CDH12: variants seen among roughly 807,000 people sequenced by gnomAD.
CDH12 encodes cadherin 12.
In CDH12, 41 loss-of-function variants were observed where a neutral mutation model predicts 74.1. That is an observed-to-expected ratio of 0.55 (90% CI 0.43 to 0.72). The LOEUF (loss-of-function observed/expected upper bound fraction) is 0.72, where lower values mean the gene tolerates loss of function less well. Ranked by LOEUF, CDH12 falls within the 30% of genes least tolerant of loss-of-function variation. The pLI is 0.00. For missense variants in CDH12, 945 were observed against 977.2 expected (o/e 0.97, Z 0.44); for synonymous variants, 399 against 355.0 (o/e 1.12, Z -1.39).
intron 6 of CDH12, among the ~76,000 whole-genome samples, chr5:21,873,911 C>G (rs537135125): frequency 4.6e-4 from 49 of 107,480 alleles, no homozygotes; most frequent in Non-Finnish European, 7.8e-4. Flanking sequence ...CAGCTTCACC[C>G]ATGTCCCTGC....
chr5:22,808,901 C>G (rs2126442019), intron 1 of CDH12, among the ~76,000 whole-genome samples: 1 of 151,008 alleles, frequency 6.6e-6, no homozygotes, highest in South Asian at 2.1e-4. Context: ...GCCACCACAC[C>G]CAGCCAACTT....
At chr5:21,817,780 C>A (rs534440305) in intron 8 of CDH12, among the ~76,000 whole-genome samples, 32 of 151,044 alleles carry the variant, frequency 2.1e-4, no homozygotes, top group African/African-American at 7.7e-4. Flanking sequence ...TATTTTAAAT[C>A]ATAAAGTTCT....
At chr5:22,623,118 A>C (rs980398020) in intron 1 of CDH12, among the ~76,000 whole-genome samples, 26 of 152,362 alleles carry the variant, frequency 1.7e-4, no homozygotes, top group Non-Finnish European at 2.5e-4. Flanking sequence ...AAAATTCAAC[A>C]GCCATTCATG....
intron 1 of CDH12, among the ~76,000 whole-genome samples, chr5:22,746,612 A>G (rs2127027014): frequency 1.3e-5 from 2 of 152,336 alleles, no homozygotes; most frequent in African/African-American, 4.8e-5. Flanking sequence ...TAAATGCAAT[A>G]TATTTAAAAC....
chr5:22,818,450 T>G (rs760495606), intron 1 of CDH12, among the ~76,000 whole-genome samples: 1 of 152,144 alleles, frequency 6.6e-6, no homozygotes, highest in Non-Finnish European at 1.5e-5. Flanking sequence ...GAAATTTTCT[T>G]ATAAAACAGT....
At chr5:22,225,645 T>G (rs1752168719) in intron 3 of CDH12, among the ~76,000 whole-genome samples, 1 of 152,098 alleles carries the variant, frequency 6.6e-6, no homozygotes, top group African/African-American at 2.4e-5. Context: ...AGAAAGTGTC[T>G]ATTTGGCATG....
intron 3 of CDH12, among the ~76,000 whole-genome samples, chr5:22,382,646 A>G (rs1180182072): frequency 2.6e-5 from 4 of 152,214 alleles, no homozygotes; most frequent in African/African-American, 9.6e-5. Context: ...GTTTCTTAGG[A>G]GGCAGTGAAG....
intron 3 of CDH12, among the ~76,000 whole-genome samples, chr5:22,213,246 G>C (rs957878937): frequency 3.3e-5 from 5 of 151,962 alleles, no homozygotes; most frequent in Non-Finnish European, 5.9e-5. Flanking sequence ...TTTATAAAAA[G>C]GAAGTATTCA....
intron 1 of CDH12, among the ~76,000 whole-genome samples, chr5:22,698,674 CAG>C (rs1742510946): frequency 1.6e-5 from 1 of 62,156 alleles, no homozygotes; most frequent in African/African-American, 6.6e-5. Context: ...ATTCAATCCC[CAG>C]ATATATATAT....
At chr5:21,911,396 T>C (rs186869112) in intron 6 of CDH12, among the ~76,000 whole-genome samples, 15 of 152,242 alleles carry the variant, frequency 9.9e-5, no homozygotes, top group Non-Finnish European at 4.4e-5. Flanking sequence ...TTATTATTGA[T>C]GGCTTTTACT....
At chr5:22,463,320 T>C (rs111657104) in intron 2 of CDH12, among the ~76,000 whole-genome samples, 28 of 152,316 alleles carry the variant, frequency 1.8e-4, no homozygotes, top group African/African-American at 6.5e-4. Context: ...TAATTCATTT[T>C]CTAAAAGCCT....
chr5:22,276,888 C>T (rs2150403923), intron 3 of CDH12, among the ~76,000 whole-genome samples: 1 of 152,212 alleles, frequency 6.6e-6, no homozygotes, highest in Non-Finnish European at 1.5e-5. Context: ...ATTTAAATCT[C>T]ACAATAAACC....
chr5:21,905,862 TGTCA>T (rs1197107539), intron 6 of CDH12, among the ~76,000 whole-genome samples: 4 of 152,192 alleles, frequency 2.6e-5, no homozygotes, highest in Non-Finnish European at 5.9e-5. Context: ...ATATGTTTAT[TGTCA>T]GTATTTTTCT....
chr5:22,039,191 G>T (rs570199815), intron 5 of CDH12, among the ~76,000 whole-genome samples: 1 of 152,134 alleles, frequency 6.6e-6, no homozygotes, highest in South Asian at 2.1e-4. Context: ...GATCTGAGTT[G>T]CCACTGAGCC....
chr5:22,849,420 A>G (rs1307814181), intron 1 of CDH12, among the ~76,000 whole-genome samples: 3 of 152,108 alleles, frequency 2.0e-5, no homozygotes, highest in Admixed American at 6.5e-5. Flanking sequence ...TATAGAACCT[A>G]TTGATTTTAT....
rs79561189 is a variant in CDH12, at chr5:22,537,961, G to A, written c.-522-32597C>T. ...TGGGCACTGCTGACATTTTGGGCTT[G>A]ATAATTCTTTGTTGTGGGCAACCTT... On this transcript the variant is annotated intron_variant, in intron 1 of 14. Coordinates refer to ENST00000382254, the MANE Select transcript of CDH12 (RefSeq NM_004061.5). Among the ~76,000 whole-genome samples, 1,033 of 152,280 alleles carry A rather than the reference G, an allele frequency of 6.8e-3. 12 individuals are homozygous for A. The highest frequency in any genetic ancestry group is 0.023 in the African/African-American group (969 of 41,558).
intron 10 of CDH12, among the ~76,000 whole-genome samples, chr5:21,796,599 GTTA>G (rs1746794360): frequency 6.6e-6 from 1 of 151,692 alleles, no homozygotes; most frequent in Admixed American, 6.6e-5. Context: ...TCATCATTCT[GTTA>G]TTATTTAATT....
At chr5:21,987,669 G>T (rs748631493) in intron 5 of CDH12, among the ~76,000 whole-genome samples, 1 of 152,100 alleles carries the variant, frequency 6.6e-6, no homozygotes, top group Admixed American at 6.6e-5. Flanking sequence ...GTGCAAATTT[G>T]GTTGCTATGA....
At chr5:22,849,726 A>T (rs1737463666) in intron 1 of CDH12, among the ~76,000 whole-genome samples, 1 of 152,148 alleles carries the variant, frequency 6.6e-6, no homozygotes. Flanking sequence ...CTTCACAGAT[A>T]TATGCATGAG....
Sources: gnomAD v4.1 joint callset for allele counts (sites outside exome capture counted in the v4.1 genomes callset) on GRCh38, gnomAD v4.1.1 for gene constraint, MANE v1.5 for transcripts, NCBI Gene and HGNC (gene_info 2026-07-23, HGNC 2026-07-21) for gene names.